MDGA2: variants seen among roughly 807,000 people sequenced by gnomAD.
MDGA2 encodes the protein MAM domain-containing glycosylphosphatidylinositol anchor protein 2.
MDGA2 carries 40 observed loss-of-function variants against 117.8 expected under a neutral mutation model. The ratio of observed to expected loss-of-function variants is 0.34; its 90% CI spans 0.26 to 0.44. The LOEUF is 0.44. MDGA2 is among the 20% of genes least tolerant of loss of function. MDGA2 has a pLI of 1.00. For missense variants in MDGA2, 1,123 were observed against 1,250.6 expected, an observed-to-expected ratio of 0.90 and a Z score of 1.54; for synonymous variants, 452 against 439.0, an observed-to-expected ratio of 1.03 and a Z score of -0.37.
At chr14:47,589,275 T>C (rs1368482365) in intron 1 of MDGA2, among the ~76,000 whole-genome samples, 1 of 152,036 alleles carries the variant, frequency 6.6e-6, no homozygotes, top group Non-Finnish European at 1.5e-5. Flanking sequence ...TCATGAAGAT[T>C]TAGGCCTACA....
chr14:47,191,643 C>T (rs1885116218), intron 3 of MDGA2, among the ~76,000 whole-genome samples: 1 of 151,924 alleles, frequency 6.6e-6, no homozygotes, highest in African/African-American at 2.4e-5. Flanking sequence ...AACAAGATTA[C>T]CAAAGTAAGA....
chr14:47,332,441 A>G (rs910679054), intron 1 of MDGA2, among the ~76,000 whole-genome samples: 3 of 152,002 alleles, frequency 2.0e-5, no homozygotes, highest in Non-Finnish European at 4.4e-5. Flanking sequence ...TTGAGTTAAT[A>G]CACAAAACTA....
chr14:47,587,010 C>T lies in MDGA2; in HGVS notation c.280+87507G>A, dbSNP rs140192059. On this transcript the variant is annotated intron_variant, in intron 1 of 16. Coordinates refer to ENST00000399232, the MANE Select transcript of MDGA2 (RefSeq NM_001113498.3). ...TCTTGGATTTTTTTAGTTTTGGTCA[C>T]GCAGCTGAATTTATGCTATGTGCTC... is the stretch of plus-strand genomic sequence containing the variant. Among the ~76,000 whole-genome samples the T allele has an allele frequency of 4.7e-3, 716 of 151,888 alleles. 6 individuals carry two copies. The highest frequency in any genetic ancestry group is 0.016 in the African/African-American group (677 of 41,444).
intron 1 of MDGA2, among the ~76,000 whole-genome samples, chr14:47,409,367 G>A (rs921592193): frequency 2.1e-4 from 32 of 152,086 alleles, no homozygotes; most frequent in African/African-American, 6.8e-4. Flanking sequence ...ATAAAATTTC[G>A]GAGATTCTTT....
chr14:46,909,664 T>A (rs910178178), intron 10 of MDGA2, among the ~76,000 whole-genome samples: 2 of 152,130 alleles, frequency 1.3e-5, no homozygotes, highest in Non-Finnish European at 2.9e-5. Context: ...AGGACAAAAA[T>A]ACATCTAAAT....
At chr14:47,020,386 T>C (rs1888244708) in intron 8 of MDGA2, among the ~76,000 whole-genome samples, 1 of 152,178 alleles carries the variant, frequency 6.6e-6, no homozygotes, top group Admixed American at 6.5e-5. Flanking sequence ...ACATATTTCA[T>C]AGGATGGTAC....
intron 1 of MDGA2, among the ~76,000 whole-genome samples, chr14:47,430,004 G>A (rs907726686): frequency 4.7e-5 from 7 of 149,494 alleles, no homozygotes; most frequent in African/African-American, 1.7e-4. Context: ...CCCTGAGGTG[G>A]GAAAGAGAGG....
At chr14:47,352,814 A>G (rs1220034288) in intron 1 of MDGA2, among the ~76,000 whole-genome samples, 1 of 152,162 alleles carries the variant, frequency 6.6e-6, no homozygotes, top group Non-Finnish European at 1.5e-5. Context: ...GCTTTACTTT[A>G]CAATGCTTCA....
intron 3 of MDGA2, among the ~76,000 whole-genome samples, chr14:47,165,250 T>TA (rs1168136261): frequency 6.6e-6 from 1 of 151,568 alleles, no homozygotes. Flanking sequence ...TAAAGTATAA[T>TA]AAAAAAATAC....
intron 6 of MDGA2, 111 bp downstream of exon 6, chr14:47,096,743 A>T: frequency 2.8e-6 from 3 of 1,067,826 alleles, no homozygotes; most frequent in Non-Finnish European, 4.2e-6. Context: ...TTTTATCTGT[A>T]TTTTACAGAT....
intron 1 of MDGA2, among the ~76,000 whole-genome samples, chr14:47,351,715 C>T (rs1258650790): frequency 1.3e-5 from 2 of 152,086 alleles, no homozygotes; most frequent in Admixed American, 6.6e-5. Flanking sequence ...GCCAATCATC[C>T]TTTTAATTAT....
intron 14 of MDGA2, among the ~76,000 whole-genome samples, chr14:46,859,876 T>C (rs1881439314): frequency 6.6e-6 from 1 of 152,116 alleles, no homozygotes; most frequent in East Asian, 1.9e-4. Flanking sequence ...ATGAATATGC[T>C]ACATAAATTC....
chr14:47,178,724 A>C (rs778658076), intron 3 of MDGA2, among the ~76,000 whole-genome samples: 1 of 152,162 alleles, frequency 6.6e-6, no homozygotes, highest in African/African-American at 2.4e-5. Context: ...TATCAGAAAC[A>C]ATTATGTTAT....
At chr14:46,858,052 A>G (rs942911851) in intron 14 of MDGA2, among the ~76,000 whole-genome samples, 2 of 151,568 alleles carry the variant, frequency 1.3e-5, no homozygotes, top group African/African-American at 2.4e-5. Context: ...ATATTAAAGT[A>G]CATATATATA....
At chr14:46,941,576 C>T (rs1885001605) in intron 9 of MDGA2, among the ~76,000 whole-genome samples, 1 of 152,222 alleles carries the variant, frequency 6.6e-6, no homozygotes, top group South Asian at 2.1e-4. Flanking sequence ...TGAGAGATGG[C>T]TTTGATTCCA....
intron 1 of MDGA2, among the ~76,000 whole-genome samples, chr14:47,659,383 T>C (rs1897804262): frequency 1.3e-5 from 2 of 152,322 alleles, no homozygotes; most frequent in African/African-American, 4.8e-5. Flanking sequence ...CTATGTAAAA[T>C]GAATGAGAAG....
intron 3 of MDGA2, among the ~76,000 whole-genome samples, chr14:47,206,385 G>GT: frequency 6.6e-6 from 1 of 151,910 alleles, no homozygotes; most frequent in South Asian, 2.1e-4. Flanking sequence ...GAGTCCAGGA[G>GT]TTTGAGATTA....
intron 7 of MDGA2, among the ~76,000 whole-genome samples, chr14:47,054,604 T>C (rs11851874): frequency 0.03 from 4,524 of 151,820 alleles, 223 homozygotes; most frequent in African/African-American, 0.1. Context: ...CTGAGAATGA[T>C]GTACAAGGCT....
At chr14:47,270,079 G>A (rs1251458469) in intron 2 of MDGA2, among the ~76,000 whole-genome samples, 2 of 152,196 alleles carry the variant, frequency 1.3e-5, no homozygotes, top group African/African-American at 2.4e-5. Flanking sequence ...CACGGCTGCT[G>A]TGGGGTTGAT....
Sources: gnomAD v4.1 joint callset for allele counts (sites outside exome capture counted in the v4.1 genomes callset) on GRCh38, gnomAD v4.1.1 for gene constraint, MANE v1.5 for transcripts, NCBI Gene and HGNC (gene_info 2026-07-23, HGNC 2026-07-21) for gene names.